Variants in RGPD6 observed in about 807,000 individuals in gnomAD.
RGPD6 encodes RANBP2 like and GRIP domain containing 6, also known as RANBP2-like and GRIP domain-containing protein 5/6.
chr2:110,600,102 G>A, the RGPD6 span, among the ~76,000 whole-genome samples: 1 of 151,474 alleles, frequency 6.6e-6, no homozygotes, highest in Non-Finnish European at 1.5e-5. Context: ...CGCACGTGAT[G>A]ATCACTGGTG....
At chr2:110,599,772 CTAAT>C in the RGPD6 span, among the ~76,000 whole-genome samples, 1 of 78,978 alleles carries the variant, frequency 1.3e-5, no homozygotes, top group Non-Finnish European at 2.9e-5. Context: ...ATTTATGTAA[CTAAT>C]TATTTACCTA....
chr2:110,607,315 G>C, the RGPD6 span, among the ~76,000 whole-genome samples: 3 of 151,560 alleles, frequency 2.0e-5, no homozygotes, highest in Non-Finnish European at 2.9e-5. Flanking sequence ...CTCCAGTCTT[G>C]CTTCAAACCA....
chr2:110,603,938 C>T, the RGPD6 span, among the ~76,000 whole-genome samples: 16 of 149,658 alleles, frequency 1.1e-4, no homozygotes, highest in Non-Finnish European at 1.0e-4. Flanking sequence ...CTTACTCTGA[C>T]ATAAACACTG....
the RGPD6 span, among the ~76,000 whole-genome samples, chr2:110,601,922 CTT>C: frequency 8.5e-6 from 1 of 117,604 alleles, no homozygotes; most frequent in Non-Finnish European, 1.7e-5. Context: ...CTGGGTTTCT[CTT>C]GTCAGTAGCA....
chr2:110,604,124 G>GT, the RGPD6 span, among the ~76,000 whole-genome samples: 1 of 134,054 alleles, frequency 7.5e-6, no homozygotes, highest in African/African-American at 3.0e-5. Context: ...ACCACCGTAA[G>GT]TAAGAGCATA....
At chr2:110,607,389 G>A in the RGPD6 span, among the ~76,000 whole-genome samples, 1 of 149,340 alleles carries the variant, frequency 6.7e-6, no homozygotes, top group African/African-American at 2.5e-5. Flanking sequence ...AGGTATGGCT[G>A]AAAAAGTTGA....
the RGPD6 span, among the ~76,000 whole-genome samples, chr2:110,608,116 T>C: frequency 1.3e-5 from 2 of 148,480 alleles, no homozygotes; most frequent in Admixed American, 6.7e-5. Flanking sequence ...GATGTGTGAC[T>C]CTGGGCAGGT....
At chr2:110,589,700 A>C in the RGPD6 span, among the ~76,000 whole-genome samples, 1 of 142,410 alleles carries the variant, frequency 7.0e-6, no homozygotes, top group African/African-American at 2.8e-5. Context: ...CCAGGCAGTC[A>C]AGAAGGGACT....
At chr2:110,595,679 C>T in the RGPD6 span, among the ~76,000 whole-genome samples, 9 of 107,236 alleles carry the variant, frequency 8.4e-5, no homozygotes, top group Admixed American at 7.7e-4. Context: ...CAAGCAAAGT[C>T]GAATTATTAA....
the RGPD6 span, among the ~76,000 whole-genome samples, chr2:110,592,959 A>C: frequency 6.8e-6 from 1 of 147,258 alleles, no homozygotes; most frequent in Non-Finnish European, 1.5e-5. Context: ...TCTACTGTTG[A>C]AAAAAGATGT....
At chr2:110,604,654 A>G in the RGPD6 span, among the ~76,000 whole-genome samples, 1 of 151,570 alleles carries the variant, frequency 6.6e-6, no homozygotes, top group African/African-American at 2.4e-5. Context: ...CGATTTTGCC[A>G]CCAAGACTTT....
At chr2:110,611,031 G>A in the RGPD6 span, 3 of 961,914 alleles carry the variant, frequency 3.1e-6, no homozygotes, top group Non-Finnish European at 3.6e-6. Context: ...CAGCGAGCTC[G>A]CCGCGCCGCC....
At chr2:110,606,149 T>C in the RGPD6 span, among the ~76,000 whole-genome samples, 2 of 151,492 alleles carry the variant, frequency 1.3e-5, no homozygotes, top group Non-Finnish European at 2.9e-5. Context: ...TCACACATAG[T>C]AATAAGCGTT....
chr2:110,591,342 CTA>C, the RGPD6 span, among the ~76,000 whole-genome samples: 1 of 148,186 alleles, frequency 6.7e-6, no homozygotes, highest in African/African-American at 2.6e-5. Flanking sequence ...AACAGACTAA[CTA>C]TGATTTGATG....
chr2:110,596,976 T>TAACAAAC, the RGPD6 span, among the ~76,000 whole-genome samples: 3 of 1,438 alleles, frequency 2.1e-3, no homozygotes, highest in South Asian at 0.083. Flanking sequence ...ATATTATGTA[T>TAACAAAC]ATATATATAT....
At chr2:110,591,428 T>C in the RGPD6 span, among the ~76,000 whole-genome samples, 1 of 151,034 alleles carries the variant, frequency 6.6e-6, no homozygotes, top group Non-Finnish European at 1.5e-5. Context: ...GTGATGCAAT[T>C]ACATACTTTC....
At chr2:110,607,046 G>A in the RGPD6 span, among the ~76,000 whole-genome samples, 4 of 151,332 alleles carry the variant, frequency 2.6e-5, no homozygotes, top group Admixed American at 1.3e-4. Context: ...TTTGTTAAAC[G>A]AATTAAATGA....
the RGPD6 span, among the ~76,000 whole-genome samples, chr2:110,601,650 G>C: frequency 6.9e-6 from 1 of 144,940 alleles, no homozygotes; most frequent in Non-Finnish European, 1.5e-5. Context: ...TAGAACAGTG[G>C]AAAGTAATGT....
the RGPD6 span, among the ~76,000 whole-genome samples, chr2:110,596,941 TTTATATATA>T: frequency 8.8e-6 from 1 of 113,656 alleles, no homozygotes; most frequent in Non-Finnish European, 1.7e-5. Context: ...TTATATATAT[TTTATATATA>T]TAATATATAT....
Sources: allele counts gnomAD v4.1 joint callset (sites outside exome capture counted in the v4.1 genomes callset), GRCh38; gene constraint gnomAD v4.1.1; transcripts MANE v1.5; gene names NCBI Gene and HGNC (gene_info 2026-07-23, HGNC 2026-07-21).